SERPINE2: variants seen among roughly 807,000 people sequenced by gnomAD.
SERPINE2 encodes the protein glia-derived nexin.
In SERPINE2, 14 loss-of-function variants were observed where a neutral mutation model predicts 36.3. The observed-to-expected ratio is 0.39, with a 90% CI of 0.25 to 0.60. The LOEUF is 0.60. Among genes scored for constraint, SERPINE2 ranks in the 20% least tolerant of loss-of-function variants. The pLI, the probability that SERPINE2 is intolerant of heterozygous loss-of-function variation, is 0.57. For missense variants in SERPINE2, 418 were observed against 499.6 expected, an observed-to-expected ratio of 0.84 and a Z score of 1.56; for synonymous variants, 192 against 191.8, an observed-to-expected ratio of 1.00 and a Z score of -0.01.
intron 5 of SERPINE2, 31 bp from the exon 6 acceptor site, chr2:223,982,812 A>G: frequency 6.6e-7 from 1 of 1,520,164 alleles, no homozygotes; most frequent in Non-Finnish European, 9.1e-7. Flanking sequence ...GAGAAAAAAA[A>G]TCACGAGGCT....
At chr2:224,016,421 G>A (rs112373009) in intron 1 of SERPINE2, among the ~76,000 whole-genome samples, 5,816 of 151,712 alleles carry the variant, frequency 0.038, 306 homozygotes, top group African/African-American at 0.12. Context: ...CAGGAGAATC[G>A]CTTGAACCCG....
chr2:224,038,648 A>G (rs1692608307), intron 1 of SERPINE2: 1 of 758,100 alleles, frequency 1.3e-6, no homozygotes. Flanking sequence ...AACAAGTAAG[A>G]GTGCGCCAGT....
chr2:224,012,575 T>G (rs1237402840), intron 1 of SERPINE2, among the ~76,000 whole-genome samples: 1 of 147,548 alleles, frequency 6.8e-6, no homozygotes, highest in African/African-American at 2.5e-5. Context: ...TGCACTCCAG[T>G]CTGGGCGACA....
intron 1 of SERPINE2, among the ~76,000 whole-genome samples, chr2:224,037,708 C>A (rs767710846): frequency 1.3e-5 from 2 of 152,182 alleles, no homozygotes; most frequent in African/African-American, 2.4e-5. Context: ...TATTTAATCA[C>A]CCTTGTGTGG....
At chr2:224,021,808 G>A (rs1692011214) in intron 1 of SERPINE2, among the ~76,000 whole-genome samples, 1 of 152,208 alleles carries the variant, frequency 6.6e-6, no homozygotes, top group Non-Finnish European at 1.5e-5. Context: ...TGGATCACAT[G>A]AGGTCAGGAG....
At chr2:223,998,538 C>T (rs1574826637) in intron 2 of SERPINE2, among the ~76,000 whole-genome samples, 196 bp from the exon 3 acceptor site, 1 of 151,908 alleles carries the variant, frequency 6.6e-6, no homozygotes, top group African/African-American at 2.4e-5. Flanking sequence ...GGTAATATGA[C>T]AAAACCCTGT....
chr2:224,003,062 T>C (rs1691249739), intron 1 of SERPINE2, among the ~76,000 whole-genome samples: 1 of 151,834 alleles, frequency 6.6e-6, no homozygotes, highest in South Asian at 2.1e-4. Context: ...GGGGTGGTCA[T>C]TAGATAGGGT....
intron 3 of SERPINE2, among the ~76,000 whole-genome samples, chr2:223,996,683 CA>C (rs983876503): frequency 5.3e-5 from 8 of 152,198 alleles, no homozygotes; most frequent in Non-Finnish European, 1.2e-4. Flanking sequence ...GCAGGGACAC[CA>C]GTAACCACAC....
chr2:224,008,056 T>C (rs1348111418), intron 1 of SERPINE2, among the ~76,000 whole-genome samples: 1 of 152,182 alleles, frequency 6.6e-6, no homozygotes, highest in Non-Finnish European at 1.5e-5. Flanking sequence ...AAAACAGTTA[T>C]TATGTGGCCC....
At chr2:224,014,847 G>GGC (rs1691745315) in intron 1 of SERPINE2, among the ~76,000 whole-genome samples, 1 of 152,220 alleles carries the variant, frequency 6.6e-6, no homozygotes, top group Admixed American at 6.5e-5. Context: ...TGCCAGGCCT[G>GGC]GCGCTGGGAT....
intron 1 of SERPINE2, among the ~76,000 whole-genome samples, chr2:224,021,802 T>TCG (rs968478538): frequency 2.0e-4 from 31 of 152,266 alleles, no homozygotes; most frequent in African/African-American, 7.2e-4. Flanking sequence ...GGTGGGTGGA[T>TCG]CACATGAGGT....
intron 4 of SERPINE2, 122 bp from the exon 5 acceptor site, chr2:223,985,072 A>G (rs1008020749): frequency 8.2e-6 from 6 of 731,336 alleles, no homozygotes; most frequent in African/African-American, 1.8e-5. Context: ...CTTTTCCACA[A>G]ATAGCTTCCT....
intron 3 of SERPINE2, among the ~76,000 whole-genome samples, chr2:223,993,003 T>C (rs932931169): frequency 6.6e-6 from 1 of 152,072 alleles, no homozygotes; most frequent in Non-Finnish European, 1.5e-5. Context: ...CATGCACCTG[T>C]AATCCCAGCT....
intron 1 of SERPINE2, among the ~76,000 whole-genome samples, chr2:224,024,526 T>G (rs1367999485): frequency 6.6e-6 from 1 of 152,154 alleles, no homozygotes; most frequent in East Asian, 1.9e-4. Flanking sequence ...CTATGCCCAT[T>G]TAACACTACT....
intron 1 of SERPINE2, among the ~76,000 whole-genome samples, chr2:224,025,929 G>C (rs74363294): frequency 0.012 from 1,856 of 152,300 alleles, 34 homozygotes; most frequent in African/African-American, 0.043. Context: ...AGCTCTTCAG[G>C]AAACCCATTT....
At chr2:223,988,450 G>T (rs1005890963) in intron 4 of SERPINE2, among the ~76,000 whole-genome samples, 14 of 152,184 alleles carry the variant, frequency 9.2e-5, no homozygotes, top group Non-Finnish European at 1.5e-5. Flanking sequence ...GGAATTACAG[G>T]TGTGTGCCAT....
At chr2:224,012,867 A>G (rs951395640) in intron 1 of SERPINE2, among the ~76,000 whole-genome samples, 3 of 152,198 alleles carry the variant, frequency 2.0e-5, no homozygotes, top group Non-Finnish European at 4.4e-5. Flanking sequence ...TGGCTAAACC[A>G]AAGGATCATA....
At chr2:224,009,353 G>C (rs1341562765) in intron 1 of SERPINE2, among the ~76,000 whole-genome samples, 1 of 152,060 alleles carries the variant, frequency 6.6e-6, no homozygotes, top group Non-Finnish European at 1.5e-5. Context: ...TGTTTTGTCC[G>C]AATCATGACA....
At chr2:224,021,143 C>T (rs775643031) in intron 1 of SERPINE2, among the ~76,000 whole-genome samples, 50 of 152,194 alleles carry the variant, frequency 3.3e-4, no homozygotes, top group Non-Finnish European at 6.6e-4. Context: ...CTCATAAGTG[C>T]TCATAGCTGT....
Sources: gnomAD v4.1 joint callset for allele counts (sites outside exome capture counted in the v4.1 genomes callset) on GRCh38, gnomAD v4.1.1 for gene constraint, MANE v1.5 for transcripts, NCBI Gene and HGNC (gene_info 2026-07-23, HGNC 2026-07-21) for gene names.